Variants in ZXDC observed in about 807,000 individuals in gnomAD.
ZXDC encodes the protein zinc finger protein ZXDC.
A neutral mutation model predicts 63.6 loss-of-function variants in ZXDC; 58 were observed. The ratio of observed to expected loss-of-function variants is 0.91; its 90% confidence interval spans 0.74 to 1.13. ZXDC has a LOEUF of 1.13. Ranked by LOEUF, ZXDC falls within the 50% of genes most tolerant of loss-of-function variation. The pLI is 0.00. For synonymous variants in ZXDC, 561 were observed against 496.1 expected (o/e 1.13, Z -1.74); for missense variants, 1,133 against 1,148.9 (o/e 0.99, Z 0.20).
intron 5 of ZXDC, among the ~76,000 whole-genome samples, chr3:126,463,429 CTT>C (rs2107650264): frequency 6.6e-6 from 1 of 152,260 alleles, no homozygotes; most frequent in East Asian, 1.9e-4. Context: ...TCATAATACT[CTT>C]TAAATATTTG....
chr3:126,470,785 T>C (rs1283893381), intron 4 of ZXDC, 110 bp downstream of exon 4: 3 of 1,451,526 alleles, frequency 2.1e-6, no homozygotes, highest in African/African-American at 2.8e-5. Flanking sequence ...CAACTTATAT[T>C]GAGTCAGTCT....
chr3:126,444,448 C>T (rs1933803818), intron 7 of ZXDC, among the ~76,000 whole-genome samples: 1 of 151,876 alleles, frequency 6.6e-6, no homozygotes, highest in Admixed American at 6.6e-5. Flanking sequence ...AGGAGAATGG[C>T]ATGAACCCAG....
In ZXDC at chr3:126,475,048, C is replaced by A. The variant is rs763731089; in HGVS notation, c.818G>T (p.Cys273Phe). 6.2e-7 allele frequency: 1 copy of A among 1,601,960 alleles called. No individual in the cohort carries two copies. The highest frequency in any genetic ancestry group is 1.3e-5 in the African/African-American group (1 of 74,860). The change falls in exon 1 of 10, where the codon TGC (cysteine) becomes TTC (phenylalanine). Residue 273 changes from cysteine to phenylalanine, a missense_variant. By Grantham distance (205) the Cys-to-Phe change is radical (BLOSUM62 -2). Coordinates refer to ENST00000389709, the MANE Select transcript of ZXDC (RefSeq NM_025112.5). ...EQESLFKCEV[C>F]AERFPTHAKL... ...GGCGTGCGTGGGGAAGCGCTCGGCG[C>A]ACACCTCGCACTTGAACAGGCTCTC...
intron 7 of ZXDC, chr3:126,453,203 T>C: frequency 1.0e-6 from 1 of 985,420 alleles, no homozygotes; most frequent in Non-Finnish European, 1.2e-6. Context: ...GTATTCTAAC[T>C]TATTATCATA....
At chr3:126,459,764 C>G (rs772255649) in intron 6 of ZXDC, 27 bp from the exon 7 acceptor site, 7 of 1,613,966 alleles carry the variant, frequency 4.3e-6, no homozygotes, top group Non-Finnish European at 4.2e-6. Flanking sequence ...GCATGTCAGT[C>G]ACTTATCTAG....
chr3:126,458,238 T>G (rs1409270041), intron 7 of ZXDC, among the ~76,000 whole-genome samples: 1 of 132 alleles, frequency 7.6e-3, no homozygotes, highest in East Asian at 0.5. Flanking sequence ...ATGTCCTTAC[T>G]TTTTTTTTTT....
chr3:126,438,316 G>A lies in ZXDC; in HGVS notation c.*59C>T. ...AGGTCTCCCCAGGCTCATGTCATGA[G>A]TCTCAGGGAAGGTGTGTCCTAGACC... On this transcript the variant is annotated 3_prime_UTR_variant, in exon 10 of 10. Coordinates refer to ENST00000389709, the MANE Select transcript of ZXDC (RefSeq NM_025112.5). 2 of 1,453,790 alleles carry A rather than the reference G, an allele frequency of 1.4e-6. No homozygotes were observed. The highest frequency in any genetic ancestry group is 1.9e-6 in the Non-Finnish European group (2 of 1,051,290). 90.1% of individuals were successfully genotyped at this position (1,453,790 alleles called of 1,614,324 possible).
At chr3:126,474,260 T>C (rs1935094453) in intron 1 of ZXDC, among the ~76,000 whole-genome samples, 2 of 152,002 alleles carry the variant, frequency 1.3e-5, no homozygotes, top group Non-Finnish European at 2.9e-5. Flanking sequence ...GAGACGGGGT[T>C]TCACCGTGTT....
chr3:126,454,065 T>TATA (rs1553798028), intron 7 of ZXDC: 72 of 566,036 alleles, frequency 1.3e-4, no homozygotes, highest in South Asian at 1.8e-4. Context: ...TATATATATA[T>TATA]TTTTTTTTTT....
At chr3:126,472,996 G>A (rs1935036967) in intron 1 of ZXDC, among the ~76,000 whole-genome samples, 2 of 152,204 alleles carry the variant, frequency 1.3e-5, no homozygotes, top group African/African-American at 2.4e-5. Flanking sequence ...TTTAACAGGA[G>A]TCTTTGCTGC....
At chr3:126,459,066 A>G (rs1252198022) in intron 7 of ZXDC, 1 of 985,430 alleles carries the variant, frequency 1.0e-6, no homozygotes, top group Non-Finnish European at 1.2e-6. Context: ...TAGTTTTTAG[A>G]AAAAGATTTA....
chr3:126,453,387 T>TGTCA (rs1934186404), intron 7 of ZXDC: 1 of 985,372 alleles, frequency 1.0e-6, no homozygotes, highest in South Asian at 4.7e-5. Context: ...CTGAATAAGC[T>TGTCA]GTCACATTTA....
In ZXDC at chr3:126,441,607, G is replaced by T; in HGVS notation, c.2394+158C>A. ...AAAGGGAGGAGCTGGGCTGTGAGGA[G>T]ACAGGACTTGGGGCAGTCTACAGGG... On this transcript the variant is annotated intron_variant, in intron 8 of 9. Coordinates refer to ENST00000389709, the MANE Select transcript of ZXDC (RefSeq NM_025112.5). 6 of 1,358,956 alleles carry T rather than the reference G, an allele frequency of 4.4e-6. No individual in the cohort carries two copies. The South Asian group carries it at 7.9e-5, about 18-fold the overall frequency. 84.2% of individuals were successfully genotyped at this position (1,358,956 alleles called of 1,614,324 possible).
intron 6 of ZXDC, among the ~76,000 whole-genome samples, chr3:126,460,313 A>C (rs1433070925): frequency 1.3e-5 from 2 of 152,248 alleles, no homozygotes; most frequent in Admixed American, 6.5e-5. Flanking sequence ...TTTCCTAAGA[A>C]AGACAGTTTA....
chr3:126,474,966 G>T lies in ZXDC; in HGVS notation c.900C>A (p.Asp300Glu). Residue 300 changes from aspartate to glutamate, a missense_variant, in exon 1 of 10, where the codon GAC becomes GAA. By Grantham distance (45) the Asp-to-Glu change is conservative (BLOSUM62 2). Coordinates refer to ENST00000389709, the MANE Select transcript of ZXDC (RefSeq NM_025112.5). Reference protein sequence around the residue: ...HFEPERPYKCDFPGCEKTFIT... With the variant: ...HFEPERPYKCEFPGCEKTFIT... ...CCCCGAGAGCGCGGTTACCGGGAAA[G>T]TCACACTTGTAAGGGCGCTCGGGCT... is the stretch of plus-strand genomic sequence containing the variant. The T allele has an allele frequency of 6.3e-7, 1 of 1,575,976 alleles. No homozygotes were observed. The highest frequency in any genetic ancestry group is 8.6e-7 in the Non-Finnish European group (1 of 1,160,518).
intron 7 of ZXDC, chr3:126,451,809 C>T: frequency 8.1e-6 from 8 of 985,370 alleles, no homozygotes; most frequent in East Asian, 1.1e-4. Flanking sequence ...TCTGCTGATA[C>T]ACTCTGGGAA....
intron 6 of ZXDC, chr3:126,460,508 A>G: frequency 1.0e-6 from 1 of 961,544 alleles, no homozygotes; most frequent in South Asian, 4.8e-5. Flanking sequence ...CCACAGCTGC[A>G]GCTGCACCAG....
At chr3:126,447,130 G>A (rs1283529164) in intron 7 of ZXDC, among the ~76,000 whole-genome samples, 1 of 152,198 alleles carries the variant, frequency 6.6e-6, no homozygotes, top group Non-Finnish European at 1.5e-5. Context: ...CAGCCTTCAT[G>A]GGTATTCTCA....
chr3:126,459,743 A>C lies in ZXDC; in HGVS notation c.2128-6T>G. On this transcript the variant is annotated splice_polypyrimidine_tract_variant and splice_region_variant and intron_variant, in intron 6 of 9. Coordinates refer to ENST00000389709, the MANE Select transcript of ZXDC (RefSeq NM_025112.5). ...CTTGCTGAGCCCCCACTTTCCTGAG[A>C]CCAAAGAAAAGCATGTCAGTCACTT... 6.2e-7 allele frequency: 1 copy of C among 1,614,128 alleles called. No homozygotes were observed. Among genetic ancestry groups the C allele is most frequent in the Non-Finnish European group, 8.5e-7 (1 of 1,180,024 alleles).
Sources: gnomAD v4.1 joint callset for allele counts (sites outside exome capture counted in the v4.1 genomes callset) on GRCh38, gnomAD v4.1.1 for gene constraint, MANE v1.5 for transcripts, NCBI Gene and HGNC (gene_info 2026-07-23, HGNC 2026-07-21) for gene names.